The following RIC3 variants were observed in gnomAD, a reference collection of about 807,000 sequenced individuals.
RIC3 encodes the protein protein RIC-3.
Under a neutral mutation model 27.3 loss-of-function variants are expected in RIC3, and 28 were observed. The observed-to-expected ratio is 1.02, with a 90% confidence interval of 0.76 to 1.41. The LOEUF is 1.41. Among genes scored for constraint, RIC3 ranks in the 40% most tolerant of loss-of-function variants. RIC3 has a pLI of 0.00. For synonymous variants in RIC3, 184 were observed against 160.4 expected, an observed-to-expected ratio of 1.15 and a Z score of -1.11; for missense variants, 501 against 444.7, an observed-to-expected ratio of 1.13 and a Z score of -1.14.
chr11:8,155,218 TA>T (rs61400460), intron 1 of RIC3, among the ~76,000 whole-genome samples: 10,003 of 120,956 alleles, frequency 0.083, 387 homozygotes, highest in South Asian at 0.16. Flanking sequence ...GACCCCATCT[TA>T]AAAAAAAAAA....
intron 5 of RIC3, among the ~76,000 whole-genome samples, chr11:8,118,931 A>G (rs895180135): frequency 2.6e-5 from 4 of 152,100 alleles, no homozygotes; most frequent in Admixed American, 2.6e-4. Flanking sequence ...AAATTAGTAT[A>G]TTAAAAGTCC....
At chr11:8,094,188 A>G in the RIC3 span, 2 of 1,610,918 alleles carry the variant, frequency 1.2e-6, no homozygotes, top group South Asian at 1.1e-5. Flanking sequence ...GAAAGCACAA[A>G]GGTCAGCTCA....
intron 4 of RIC3, among the ~76,000 whole-genome samples, chr11:8,130,877 G>C (rs900757837): frequency 1.3e-5 from 2 of 152,112 alleles, no homozygotes; most frequent in African/African-American, 4.8e-5. Context: ...GGACCACAGA[G>C]AGAGTGATGA....
In RIC3 at chr11:8,111,992, T is replaced by G. The variant is rs192074387; in HGVS notation, c.671-855A>C. Among the ~76,000 whole-genome samples, 39 of 152,380 alleles carry G rather than the reference T, an allele frequency of 2.6e-4. No homozygotes were observed. In the East Asian group the frequency reaches 6.6e-3, roughly 26 times the overall value. ...GAAAGCTGGAGGATTCAGAACCCAT[T>G]TGCCCATTATGATAATTGGCAAATT... On this transcript the variant is annotated intron_variant, in intron 5 of 5. Coordinates refer to ENST00000309737, the MANE Select transcript of RIC3 (RefSeq NM_001206671.4).
intron 5 of RIC3, among the ~76,000 whole-genome samples, chr11:8,122,008 C>T (rs913220940): frequency 1.3e-5 from 2 of 152,116 alleles, no homozygotes; most frequent in African/African-American, 4.8e-5. Flanking sequence ...GTGGGAGGAT[C>T]GCCTGAGTCC....
At chr11:8,164,812 A>T (rs957921267) in intron 1 of RIC3, among the ~76,000 whole-genome samples, 3 of 149,770 alleles carry the variant, frequency 2.0e-5, no homozygotes, top group African/African-American at 4.9e-5. Flanking sequence ...AAAAAAGACA[A>T]GTAATCTGAC....
At chr11:8,155,218 TAAAAAA>T (rs61400460) in intron 1 of RIC3, among the ~76,000 whole-genome samples, 1 of 121,044 alleles carries the variant, frequency 8.3e-6, no homozygotes, top group African/African-American at 3.1e-5. Flanking sequence ...GACCCCATCT[TAAAAAA>T]AAAAAAAAAA....
intron 4 of RIC3, among the ~76,000 whole-genome samples, chr11:8,134,117 G>C (rs1023036202): frequency 6.6e-6 from 1 of 151,968 alleles, no homozygotes. Flanking sequence ...TTTACATTAG[G>C]TATATCTCCT....
chr11:8,140,202 A>G lies in RIC3; in HGVS notation c.125-9T>C. 6.2e-7 allele frequency: 1 copy of G among 1,608,302 alleles called. No individual in the cohort carries two copies. Among genetic ancestry groups the G allele is most frequent in the African/African-American group, 1.3e-5 (1 of 74,738 alleles). ...AAATCGGCCCAATTTTCCTGAGAAA[A>G]TAATAATCACTTTTTATCTCTTCTA... On this transcript the variant is annotated splice_polypyrimidine_tract_variant and intron_variant, in intron 1 of 5. Transcript: ENST00000309737.
chr11:8,126,984 T>G (rs1947067484), intron 4 of RIC3, 177 bp from the exon 5 acceptor site: 1 of 727,684 alleles, frequency 1.4e-6, no homozygotes, highest in African/African-American at 1.8e-5. Flanking sequence ...GTTCAATGCT[T>G]TGATTTTATA....
At chr11:8,101,695 T>C (rs2133921551), downstream of RIC3, 2 of 1,563,476 alleles carry the variant, frequency 1.3e-6, no homozygotes, top group African/African-American at 2.7e-5. Context: ...CAGCCCTGCC[T>C]ATCCTCTGTA....
At chr11:8,163,069 C>CACACACACACACACACACA (rs1565138023) in intron 1 of RIC3, among the ~76,000 whole-genome samples, 8 of 138,154 alleles carry the variant, frequency 5.8e-5, no homozygotes, top group Non-Finnish European at 6.4e-5. Flanking sequence ...ACACACACAC[C>CACACACACACACACACACA]CCCCAAAACA....
At chr11:8,128,156 A>G (rs1162419467) in intron 4 of RIC3, 1 of 456,630 alleles carries the variant, frequency 2.2e-6, no homozygotes, top group African/African-American at 2.0e-5. Flanking sequence ...CATAACCCCT[A>G]TTTCTTACTG....
rs567452607 is a variant in RIC3 at position 8,164,835 on chromosome 11, T to A, written c.124+4031A>T. 3.5e-5 allele frequency among the ~76,000 whole-genome samples: 5 copies of A among 141,448 alleles called. No individual in the cohort carries two copies. The East Asian group carries it at 8.1e-4, about 23-fold the overall frequency. 92.8% of individuals were successfully genotyped at this position (141,448 alleles called of 152,430 possible). On this transcript the variant is annotated intron_variant, in intron 1 of 5. Coordinates refer to ENST00000309737, the MANE Select transcript of RIC3 (RefSeq NM_001206671.4). ...CAAGTAATCTGACTTTTAAAGAGGG[T>A]TAAAAGGACCTGAATAGACATTTCT...
chr11:8,115,345 T>C (rs889975737), intron 5 of RIC3, among the ~76,000 whole-genome samples: 4 of 150,238 alleles, frequency 2.7e-5, no homozygotes, highest in African/African-American at 9.7e-5. Context: ...AAGAATATTG[T>C]AGTTGGCAAA....
chr11:8,102,885 C>CCAAGAAACTGTCCCCTGTCCCACAGG (rs1276840511), downstream of RIC3: 1 of 140,938 alleles, frequency 7.1e-6, no homozygotes, highest in African/African-American at 2.7e-5. Flanking sequence ...TCCCACTGTC[C>CCAAGAAACTGTCCCCTGTCCCACAGG]CCCAAGAAAC....
At chr11:8,165,832 G>A (rs1245024954) in intron 1 of RIC3, among the ~76,000 whole-genome samples, 1 of 147,062 alleles carries the variant, frequency 6.8e-6, no homozygotes, top group Non-Finnish European at 1.5e-5. Context: ...AGGCTGCAGT[G>A]CAGTTACACA....
downstream of RIC3, chr11:8,104,923 GAA>G (rs1454161014): frequency 2.4e-5 from 3 of 127,598 alleles, no homozygotes; most frequent in East Asian, 4.5e-4. Flanking sequence ...TCTAGAAGCA[GAA>G]GGTTGTTTTT....
At chr11:8,167,398 G>A (rs1481454004) in intron 1 of RIC3, among the ~76,000 whole-genome samples, 1 of 152,170 alleles carries the variant, frequency 6.6e-6, no homozygotes, top group East Asian at 1.9e-4. Flanking sequence ...CTCTGAGGAG[G>A]TTTCATTTGA....
Sources: allele counts gnomAD v4.1 joint callset (sites outside exome capture counted in the v4.1 genomes callset), GRCh38; gene constraint gnomAD v4.1.1; transcripts MANE v1.5; gene names NCBI Gene and HGNC (gene_info 2026-07-23, HGNC 2026-07-21).